MAP4K4: variants seen among roughly 807,000 people sequenced by gnomAD.
MAP4K4 encodes HPK/GCK-like kinase HGK.
A neutral mutation model predicts 189.6 loss-of-function variants in MAP4K4; 38 were observed. The observed-to-expected ratio is 0.20, with a 90% CI of 0.15 to 0.26. The LOEUF is 0.26. Ranked by LOEUF, MAP4K4 falls within the 10% of genes least tolerant of loss-of-function variation. The pLI, the probability that MAP4K4 is intolerant of heterozygous loss-of-function variation, is 1.00. For synonymous variants in MAP4K4, 610 were observed against 624.3 expected, an observed-to-expected ratio of 0.98 and a Z score of 0.34; for missense variants, 1,054 against 1,726.9, an observed-to-expected ratio of 0.61 and a Z score of 6.91.
intron 3 of MAP4K4, among the ~76,000 whole-genome samples, chr2:101,820,707 C>T (rs2095999493): frequency 6.6e-6 from 1 of 152,188 alleles, no homozygotes; most frequent in African/African-American, 2.4e-5. Flanking sequence ...TCTTGACAAG[C>T]CTCACTAGGG....
chr2:101,699,723 A>G (rs745877945), intron 2 of MAP4K4, among the ~76,000 whole-genome samples: 1 of 152,214 alleles, frequency 6.6e-6, no homozygotes, highest in African/African-American at 2.4e-5. Flanking sequence ...TCCTTAGCCT[A>G]GACTTCTAGC....
At chr2:101,786,297 G>C (rs1299236947) in intron 2 of MAP4K4, among the ~76,000 whole-genome samples, 1 of 152,048 alleles carries the variant, frequency 6.6e-6, no homozygotes, top group Non-Finnish European at 1.5e-5. Context: ...ATGGTTTTTC[G>C]AGTGTGAGGT....
intron 2 of MAP4K4, among the ~76,000 whole-genome samples, chr2:101,719,030 A>G (rs1164949587): frequency 6.6e-6 from 1 of 152,212 alleles, no homozygotes; most frequent in African/African-American, 2.4e-5. Context: ...TGAACAGATT[A>G]CAACTTTCAG....
At chr2:101,797,250 C>T (rs2093796289) in intron 3 of MAP4K4, 3 of 1,290,532 alleles carry the variant, frequency 2.3e-6, no homozygotes, top group Non-Finnish European at 3.0e-6. Flanking sequence ...TGTTATTCCT[C>T]AGAGGCCAGC....
chr2:101,867,752 CCTT>C (rs1226382589), intron 20 of MAP4K4: 20 of 443,608 alleles, frequency 4.5e-5, no homozygotes, highest in East Asian at 2.7e-4. Flanking sequence ...TTAAAAATCA[CCTT>C]CTTAAACTCA....
chr2:101,807,570 C>G (rs1575921436), intron 3 of MAP4K4, among the ~76,000 whole-genome samples: 2 of 152,288 alleles, frequency 1.3e-5, no homozygotes, highest in Middle Eastern at 3.4e-3. Context: ...TTAGTCCTTT[C>G]TCACATTGCT....
chr2:101,757,084 A>G (rs941431323), intron 2 of MAP4K4, among the ~76,000 whole-genome samples: 2 of 152,138 alleles, frequency 1.3e-5, no homozygotes, highest in African/African-American at 4.8e-5. Flanking sequence ...CTTCACAACT[A>G]TCTGTGTGTA....
chr2:101,832,323 T>C (rs529453330), intron 7 of MAP4K4, among the ~76,000 whole-genome samples: 1 of 152,288 alleles, frequency 6.6e-6, no homozygotes, highest in Admixed American at 6.5e-5. Context: ...TAACACACTT[T>C]AAAAAAATCT....
chr2:101,738,483 T>C (rs2061362361), intron 2 of MAP4K4, among the ~76,000 whole-genome samples: 1 of 152,194 alleles, frequency 6.6e-6, no homozygotes, highest in South Asian at 2.1e-4. Context: ...GAAGTCAGTT[T>C]GGGTTGAACA....
intron 3 of MAP4K4, among the ~76,000 whole-genome samples, chr2:101,821,154 A>G (rs887414386): frequency 3.9e-5 from 6 of 152,122 alleles, no homozygotes; most frequent in Admixed American, 3.3e-4. Flanking sequence ...TAGAAATTAT[A>G]CCTATTTGGT....
chr2:101,698,414 G>C (rs2149089589), intron 1 of MAP4K4, 59 bp from the exon 2 acceptor site: 1 of 1,444,918 alleles, frequency 6.9e-7, no homozygotes, highest in South Asian at 1.1e-5. Flanking sequence ...TGCCTTGCTT[G>C]ATTTATTCAT....
intron 29 of MAP4K4, among the ~76,000 whole-genome samples, chr2:101,886,638 C>T (rs772058426): frequency 6.6e-5 from 10 of 152,150 alleles, no homozygotes; most frequent in African/African-American, 1.4e-4. Context: ...CAGGCAAAAA[C>T]GTAATAAAGA....
intron 3 of MAP4K4, among the ~76,000 whole-genome samples, chr2:101,791,045 A>G (rs926181862): frequency 2.6e-5 from 4 of 152,200 alleles, no homozygotes; most frequent in Non-Finnish European, 5.9e-5. Flanking sequence ...GTAATGGGAC[A>G]TAATTGGAAA....
At chr2:101,847,409 T>C (rs2097143966) in intron 12 of MAP4K4, among the ~76,000 whole-genome samples, 1 of 152,186 alleles carries the variant, frequency 6.6e-6, no homozygotes, top group Non-Finnish European at 1.5e-5. Context: ...ATTGTGATCA[T>C]AGGAGATGAC....
At chr2:101,821,814 G>T (rs917777665) in intron 3 of MAP4K4, among the ~76,000 whole-genome samples, 10 of 152,154 alleles carry the variant, frequency 6.6e-5, no homozygotes, top group Middle Eastern at 3.2e-3. Flanking sequence ...AGGTTCTTTT[G>T]TAATAACAGC....
chr2:101,878,169 T>G (rs1463970439), intron 27 of MAP4K4, among the ~76,000 whole-genome samples: 1 of 152,242 alleles, frequency 6.6e-6, no homozygotes, highest in Admixed American at 6.5e-5. Flanking sequence ...ATCTTTTAAC[T>G]TTTATAAGTT....
intron 26 of MAP4K4, among the ~76,000 whole-genome samples, chr2:101,875,321 T>A (rs2098168353): frequency 2.0e-5 from 3 of 152,300 alleles, no homozygotes; most frequent in South Asian, 4.1e-4. Context: ...ATATTACATA[T>A]TTAAATATTT....
intron 21 of MAP4K4, 38 bp downstream of exon 21, chr2:101,868,075 C>T (rs1247333687): frequency 6.2e-7 from 1 of 1,605,632 alleles, no homozygotes; most frequent in East Asian, 2.2e-5. Context: ...TTCAGAGCAG[C>T]ACTCCGACCG....
intron 27 of MAP4K4, among the ~76,000 whole-genome samples, chr2:101,880,306 A>G (rs1236174118): frequency 6.6e-6 from 1 of 152,108 alleles, no homozygotes; most frequent in African/African-American, 2.4e-5. Flanking sequence ...ACCTTCTAGA[A>G]TCTGCTTTAC....
Sources: allele counts gnomAD v4.1 joint callset (sites outside exome capture counted in the v4.1 genomes callset), GRCh38; gene constraint gnomAD v4.1.1; transcripts MANE v1.5; gene names NCBI Gene and HGNC (gene_info 2026-07-23, HGNC 2026-07-21).